The following TSHZ3 variants were observed in gnomAD, a reference collection of about 807,000 sequenced individuals.
The protein encoded by TSHZ3 is teashirt zinc finger homeobox 3, also known as teashirt homolog 3.
TSHZ3 carries 10 observed loss-of-function variants against 64.5 expected under a neutral mutation model. The ratio of observed to expected loss-of-function variants is 0.16; its 90% CI spans 0.10 to 0.26. TSHZ3 has a LOEUF of 0.26. TSHZ3 is among the 10% of genes least tolerant of loss of function. The pLI, the probability that TSHZ3 is intolerant of heterozygous loss-of-function variation, is 1.00. For missense variants in TSHZ3, 1,242 were observed against 1,421.7 expected (o/e 0.87, Z 2.03); for synonymous variants, 608 against 593.1 (o/e 1.03, Z -0.36).
intron 5 of TSHZ3, among the ~76,000 whole-genome samples, chr19:31,188,463 C>A (rs1974847546): frequency 6.6e-6 from 1 of 151,942 alleles, no homozygotes; most frequent in Non-Finnish European, 1.5e-5. Context: ...ATTAGGGGAA[C>A]TCTATCAGAT....
rs746501303 is a variant in TSHZ3 at position 31,277,837 on chromosome 19, T to C, written c.1956A>G (p.Glu652=). The change falls in exon 2 of 2, where the codon GAA becomes GAG. Residue 652 remains glutamate, a synonymous_variant. Coordinates refer to ENST00000240587, the MANE Select transcript of TSHZ3 (RefSeq NM_020856.4). The surrounding 1 kb of genome is among the most constrained non-coding windows in gnomAD (Gnocchi z 4.5). ...CGCTGGATGCCTCCATCTTGATGGG[T>C]TCCCCGACTTCGCTGCTACATGGGG... ...TPSPCSSEVG[E]PIKMEASSDG... The C allele has an allele frequency of 6.3e-7, 1 of 1,579,778 alleles. No individual in the cohort carries two copies. Among genetic ancestry groups the C allele is most frequent in the Non-Finnish European group, 8.6e-7 (1 of 1,164,772 alleles).
chr19:31,276,718 T>C lies in TSHZ3; in HGVS notation c.3075A>G (p.Ser1025=), dbSNP rs1307173765. 7 of 1,613,672 alleles carry C rather than the reference T, an allele frequency of 4.3e-6. 1 individual carries two copies. The African/African-American group carries it at 5.3e-5, about 12-fold the overall frequency. ...CGGGGGAGGACGTCACCATTTTTTCTGACGGTGACTTGGTTTGTGCTATCT... is the reference window on the plus strand; with the variant it reads ...CGGGGGAGGACGTCACCATTTTTTCCGACGGTGACTTGGTTTGTGCTATCT... ...NSQIAQTKSP[S]EKMVTSSPEE... The change falls in exon 2 of 2, where the codon TCA becomes TCG. Residue 1025 remains serine (S), a synonymous_variant. Transcript: ENST00000240587.
intron 1 of TSHZ3, among the ~76,000 whole-genome samples, chr19:31,309,642 C>A (rs777689262): frequency 1.3e-5 from 2 of 152,194 alleles, no homozygotes; most frequent in Non-Finnish European, 2.9e-5. Flanking sequence ...ATGAAACGTG[C>A]GGATAAAGCA....
chr19:31,295,553 T>C (rs1385831654), intron 1 of TSHZ3, among the ~76,000 whole-genome samples: 2 of 152,148 alleles, frequency 1.3e-5, no homozygotes, highest in African/African-American at 4.8e-5. Flanking sequence ...TATGTAAATT[T>C]CAAAATCAGG....
At chr19:31,264,512 A>G (rs930146557) in intron 1 of TSHZ3, among the ~76,000 whole-genome samples, 1 of 152,108 alleles carries the variant, frequency 6.6e-6, no homozygotes, top group Admixed American at 6.5e-5. Flanking sequence ...AGCCCAGCCT[A>G]CAAGACAGAT....
chr19:31,348,673 C>T (rs1568389639), intron 1 of TSHZ3, among the ~76,000 whole-genome samples: 2 of 152,324 alleles, frequency 1.3e-5, no homozygotes, highest in South Asian at 4.1e-4. Context: ...GGTTCCACCG[C>T]TGTGCCCAGT....
chr19:31,206,077 ATGG>A (rs1568347638), intron 4 of TSHZ3, among the ~76,000 whole-genome samples: 235 of 4,896 alleles, frequency 0.048, no homozygotes, highest in Middle Eastern at 0.17. Flanking sequence ...GATGGGTGAA[ATGG>A]ATGGATGGAT....
At chr19:31,269,179 G>A (rs993740917) in intron 1 of TSHZ3, among the ~76,000 whole-genome samples, 5 of 151,976 alleles carry the variant, frequency 3.3e-5, no homozygotes, top group African/African-American at 7.3e-5. Flanking sequence ...TTCATTAGGC[G>A]GCTGCTTCTC....
intron 1 of TSHZ3, among the ~76,000 whole-genome samples, chr19:31,289,297 G>A (rs1976520550): frequency 6.6e-6 from 1 of 152,156 alleles, no homozygotes; most frequent in South Asian, 2.1e-4. Flanking sequence ...AGGAGGTGGG[G>A]GGACAAGCAC....
intron 5 of TSHZ3, among the ~76,000 whole-genome samples, chr19:31,185,228 T>G (rs1022724200): frequency 6.6e-6 from 1 of 152,174 alleles, no homozygotes; most frequent in Admixed American, 6.5e-5. Context: ...CTTTGGGCTA[T>G]CCTGGGCCTC....
chr19:31,183,476 A>G (rs1288529850), intron 5 of TSHZ3, among the ~76,000 whole-genome samples: 1 of 152,210 alleles, frequency 6.6e-6, no homozygotes, highest in African/African-American at 2.4e-5. Flanking sequence ...CTAGCCAGAC[A>G]TGGCAAAAAA....
chr19:31,220,756 C>T (rs1168659133), intron 4 of TSHZ3, among the ~76,000 whole-genome samples: 1 of 152,056 alleles, frequency 6.6e-6, no homozygotes, highest in African/African-American at 2.4e-5. Flanking sequence ...TGGCTAACAC[C>T]GAGTCACATG....
chr19:31,297,712 GC>G (rs1219480225), intron 1 of TSHZ3, among the ~76,000 whole-genome samples: 1 of 152,056 alleles, frequency 6.6e-6, no homozygotes, highest in Non-Finnish European at 1.5e-5. Context: ...CAACTCCTCA[GC>G]CCCTCAAAGC....
intron 5 of TSHZ3, among the ~76,000 whole-genome samples, chr19:31,200,032 T>C (rs1027151074): frequency 3.3e-5 from 5 of 151,964 alleles, no homozygotes; most frequent in Admixed American, 3.3e-4. Flanking sequence ...TCTATATACC[T>C]ATTCGAATGG....
intron 3 of TSHZ3, among the ~76,000 whole-genome samples, chr19:31,238,648 G>A (rs1015281631): frequency 3.3e-5 from 5 of 152,054 alleles, no homozygotes; most frequent in African/African-American, 7.2e-5. Context: ...TCTAATGCCC[G>A]TATTTATCTC....
At chr19:31,325,496 G>A (rs1015572516) in intron 1 of TSHZ3, among the ~76,000 whole-genome samples, 2 of 152,194 alleles carry the variant, frequency 1.3e-5, no homozygotes, top group Admixed American at 6.5e-5. Flanking sequence ...CTGAGCGAGA[G>A]AAGGGGTTGC....
At chr19:31,283,929 G>C (rs983836757) in intron 1 of TSHZ3, among the ~76,000 whole-genome samples, 8 of 152,210 alleles carry the variant, frequency 5.3e-5, no homozygotes, top group African/African-American at 1.4e-4. Flanking sequence ...CAACAGGGGT[G>C]TGGGGCAGGG....
chr19:31,313,708 A>G (rs1288345281), intron 1 of TSHZ3, among the ~76,000 whole-genome samples: 1 of 152,230 alleles, frequency 6.6e-6, no homozygotes, highest in African/African-American at 2.4e-5. Context: ...AACGAAATGC[A>G]TGGCCGTAGC....
At chr19:31,237,492 ATTT>A (rs1975633974) in intron 3 of TSHZ3, among the ~76,000 whole-genome samples, 1 of 151,522 alleles carries the variant, frequency 6.6e-6, no homozygotes, top group South Asian at 2.1e-4. Context: ...TGTTTTCTTT[ATTT>A]TTTCATTAAT....
Sources: gnomAD v4.1 joint callset for allele counts (sites outside exome capture counted in the v4.1 genomes callset) on GRCh38, gnomAD v4.1.1 for gene constraint, Gnocchi (gnomAD v3.1) non-coding constraint, MANE v1.5 for transcripts, NCBI Gene and HGNC (gene_info 2026-07-23, HGNC 2026-07-21) for gene names.